Variants in TTC28 observed in about 807,000 individuals in gnomAD.
TTC28 encodes tetratricopeptide repeat domain 28, also known as tetratricopeptide repeat protein 28.
TTC28 carries 61 observed loss-of-function variants against 198.0 expected under a neutral mutation model. The observed-to-expected ratio is 0.31, with a 90% CI of 0.25 to 0.38. The LOEUF (loss-of-function observed/expected upper bound fraction) is 0.38, where lower values mean the gene tolerates loss of function less well. Ranked by LOEUF, TTC28 falls within the 10% of genes least tolerant of loss-of-function variation. The probability of loss-of-function intolerance (pLI) is 1.00; values close to 1 mark genes in which losing one functional copy is unlikely to be tolerated. For synonymous variants in TTC28, 1,171 were observed against 1,297.8 expected (o/e 0.90, Z 2.10); for missense variants, 2,678 against 3,164.0 (o/e 0.85, Z 3.69).
chr22:28,303,446 A>T (rs1234742278), intron 3 of TTC28, among the ~76,000 whole-genome samples: 1 of 152,206 alleles, frequency 6.6e-6, no homozygotes, highest in Non-Finnish European at 1.5e-5. Flanking sequence ...ACAGGAGAAA[A>T]GGTTTAGCTG....
At position 27,983,663 on chromosome 22, in the gene TTC28, T is replaced by C; in HGVS notation, c.6004A>G (p.Met2002Val). ...CCCTCGGGTTTGGAGACAAAGCTCATTGAGGAGGCAATGGAGCTCAGACTG... is the reference window on the plus strand; with the variant it reads ...CCCTCGGGTTTGGAGACAAAGCTCACTGAGGAGGCAATGGAGCTCAGACTG... ...VYSLSSIASS[M>V]SFVSKPEGGS... The change falls in exon 23 of 23, where the codon ATG (methionine) becomes GTG (valine). Residue 2002 changes from methionine (M) to valine (V), a missense_variant. Met to Val is a conservative substitution (Grantham distance 21). Around this residue, in one of 8 missense-constraint regions of TTC28, gnomAD observed 622 missense variants for 656.0 expected, o/e 0.95. Transcript: ENST00000397906. 4 of 1,545,722 alleles carry C rather than the reference T, an allele frequency of 2.6e-6. No homozygotes were observed. Among genetic ancestry groups the C allele is most frequent in the African/African-American group, 2.7e-5 (2 of 72,888 alleles).
At chr22:28,121,995 G>A (rs1942799987) in intron 6 of TTC28, among the ~76,000 whole-genome samples, 1 of 152,154 alleles carries the variant, frequency 6.6e-6, no homozygotes, top group South Asian at 2.1e-4. Context: ...AGCCTCCTGA[G>A]TAGCTGGGAT....
chr22:28,535,599 CTG>C (rs987816143), intron 2 of TTC28, among the ~76,000 whole-genome samples: 7 of 152,136 alleles, frequency 4.6e-5, no homozygotes, highest in African/African-American at 7.2e-5. Flanking sequence ...TGGTTTGGCT[CTG>C]TGTCCCTACC....
At chr22:28,491,152 C>A (rs570262823) in intron 2 of TTC28, among the ~76,000 whole-genome samples, 2 of 152,164 alleles carry the variant, frequency 1.3e-5, no homozygotes, top group Admixed American at 1.3e-4. Context: ...CCTCTTCTTA[C>A]CGAAGTTAGG....
chr22:28,601,897 C>G (rs527609477), intron 2 of TTC28, among the ~76,000 whole-genome samples: 1 of 151,938 alleles, frequency 6.6e-6, no homozygotes, highest in Non-Finnish European at 1.5e-5. Flanking sequence ...ATGCCAACTC[C>G]TATTCTGATA....
chr22:28,100,222 A>G (rs1429624103), intron 9 of TTC28, among the ~76,000 whole-genome samples: 2 of 152,188 alleles, frequency 1.3e-5, no homozygotes, highest in African/African-American at 2.4e-5. Flanking sequence ...TTCTAAGACT[A>G]AGAGACATAG....
chr22:28,062,260 C>A (rs1009454636), intron 12 of TTC28, among the ~76,000 whole-genome samples: 35 of 151,992 alleles, frequency 2.3e-4, no homozygotes, highest in African/African-American at 2.9e-4. Context: ...GGGGTTTCAC[C>A]ATGTTGGTCA....
At chr22:28,468,655 C>T (rs2048057482) in intron 2 of TTC28, among the ~76,000 whole-genome samples, 1 of 150,846 alleles carries the variant, frequency 6.6e-6, no homozygotes, top group Non-Finnish European at 1.5e-5. Flanking sequence ...TCCAGAGTAG[C>T]TGGGACTACA....
intron 10 of TTC28, among the ~76,000 whole-genome samples, chr22:28,097,462 T>C (rs944372549): frequency 2.0e-5 from 3 of 152,190 alleles, no homozygotes; most frequent in South Asian, 2.1e-4. Flanking sequence ...TTCTTTAAAA[T>C]TGCTTCTCTA....
intron 21 of TTC28, chr22:27,985,768 G>T: frequency 6.2e-6 from 1 of 160,186 alleles, no homozygotes; most frequent in Admixed American, 6.1e-5. Context: ...ATTTAAAGCT[G>T]GTGCATGGTG....
At chr22:28,580,440 G>C (rs2050218501) in intron 2 of TTC28, among the ~76,000 whole-genome samples, 3 of 152,086 alleles carry the variant, frequency 2.0e-5, no homozygotes, top group Admixed American at 1.3e-4. Context: ...GTCTCACTAT[G>C]TTGCCCAGGC....
intron 2 of TTC28, among the ~76,000 whole-genome samples, chr22:28,409,036 T>C (rs1228412401): frequency 6.6e-6 from 1 of 152,244 alleles, no homozygotes; most frequent in Non-Finnish European, 1.5e-5. Flanking sequence ...AATTTATGAC[T>C]CTTTTCGTTG....
intron 2 of TTC28, among the ~76,000 whole-genome samples, chr22:28,405,840 A>G (rs2146116839): frequency 6.6e-6 from 1 of 152,332 alleles, no homozygotes; most frequent in East Asian, 1.9e-4. Flanking sequence ...CTTTCTAGAA[A>G]TTTCTGAATA....
intron 12 of TTC28, among the ~76,000 whole-genome samples, chr22:28,070,360 A>C (rs1006114074): frequency 1.3e-5 from 2 of 152,246 alleles, no homozygotes; most frequent in African/African-American, 4.8e-5. Context: ...CAAGGTGCTG[A>C]GATAGACAAA....
At chr22:28,340,521 T>A (rs895261082) in intron 2 of TTC28, among the ~76,000 whole-genome samples, 2 of 151,274 alleles carry the variant, frequency 1.3e-5, no homozygotes, top group South Asian at 2.1e-4. Context: ...GGATAAGTAA[T>A]CTGTCACCAC....
At chr22:28,209,892 G>C (rs1926767017) in intron 5 of TTC28, among the ~76,000 whole-genome samples, 1 of 152,106 alleles carries the variant, frequency 6.6e-6, no homozygotes, top group Admixed American at 6.5e-5. Flanking sequence ...CTCCCAGTAG[G>C]GGCCGACTGA....
chr22:28,184,149 G>C (rs976872644), intron 5 of TTC28, among the ~76,000 whole-genome samples: 2 of 151,956 alleles, frequency 1.3e-5, no homozygotes, highest in African/African-American at 4.8e-5. Flanking sequence ...CCACCTTATG[G>C]GCTTATTATG....
rs189046061 is a variant in TTC28, at chr22:28,132,282, A to G, written c.1442-23879T>C. On this transcript the variant is annotated intron_variant, in intron 6 of 22. Coordinates refer to ENST00000397906, the MANE Select transcript of TTC28 (RefSeq NM_001145418.2). Reference sequence around the variant, plus strand: ...ATAAAGTTACACATTTTAATAAGACAAATCTTTTGATATGGAAAGACTGAA... The same window carrying G: ...ATAAAGTTACACATTTTAATAAGACGAATCTTTTGATATGGAAAGACTGAA... Among the ~76,000 whole-genome samples, 90 of 152,336 alleles carry G rather than the reference A, an allele frequency of 5.9e-4. No individual in the cohort carries two copies. In the Middle Eastern group the frequency reaches 0.014, roughly 23 times the overall value.
At chr22:28,323,436 A>C (rs2045477834) in intron 2 of TTC28, among the ~76,000 whole-genome samples, 1 of 152,210 alleles carries the variant, frequency 6.6e-6, no homozygotes, top group South Asian at 2.1e-4. Context: ...GAAATAATTA[A>C]AAAGAAGCAG....
Sources: gnomAD v4.1 joint callset for allele counts (sites outside exome capture counted in the v4.1 genomes callset) on GRCh38, gnomAD v4.1.1 for gene constraint, gnomAD v4.1.1 regional missense constraint, MANE v1.5 for transcripts, NCBI Gene and HGNC (gene_info 2026-07-23, HGNC 2026-07-21) for gene names.